The following KCNB2 variants were observed in gnomAD, a reference collection of about 807,000 sequenced individuals.
The protein encoded by KCNB2 is potassium voltage-gated channel subfamily B member 2.
In KCNB2, 15 loss-of-function variants were observed where a neutral mutation model predicts 61.5. The ratio of observed to expected loss-of-function variants is 0.24; its 90% CI spans 0.16 to 0.38. The LOEUF is 0.38. Ranked by LOEUF, KCNB2 falls within the 10% of genes least tolerant of loss-of-function variation. The pLI is 1.00. For synonymous variants in KCNB2, 457 were observed against 446.0 expected (o/e 1.02, Z -0.31); for missense variants, 828 against 1,125.2 (o/e 0.74, Z 3.78).
At chr8:72,885,669 C>G (rs941803454) in intron 2 of KCNB2, among the ~76,000 whole-genome samples, 1 of 152,046 alleles carries the variant, frequency 6.6e-6, no homozygotes. Context: ...TATATTATTT[C>G]TATTACTGTG....
At chr8:72,744,015 G>C (rs566972505) in intron 2 of KCNB2, among the ~76,000 whole-genome samples, 1 of 151,798 alleles carries the variant, frequency 6.6e-6, no homozygotes, top group African/African-American at 2.4e-5. Context: ...TTTATTGGGC[G>C]GGGGGCTTTA....
At chr8:72,916,401 A>C (rs1275990493) in intron 2 of KCNB2, among the ~76,000 whole-genome samples, 2 of 152,052 alleles carry the variant, frequency 1.3e-5, no homozygotes, top group Non-Finnish European at 2.9e-5. Flanking sequence ...CCACCCCCTC[A>C]CGGGACGGGG....
chr8:72,561,760 T>A, intron 1 of KCNB2, among the ~76,000 whole-genome samples: 1 of 25,918 alleles, frequency 3.9e-5, no homozygotes, highest in East Asian at 1.4e-3. Context: ...TATATATATA[T>A]GGATATATAT....
chr8:72,733,865 AG>A (rs1372468647), intron 2 of KCNB2, among the ~76,000 whole-genome samples: 2 of 152,018 alleles, frequency 1.3e-5, no homozygotes, highest in Non-Finnish European at 2.9e-5. Context: ...GGGTGGTTGG[AG>A]GGGGAAGCCT....
At chr8:72,577,601 G>A (rs143435782) in intron 2 of KCNB2, among the ~76,000 whole-genome samples, 2 of 152,274 alleles carry the variant, frequency 1.3e-5, no homozygotes, top group East Asian at 3.9e-4. Flanking sequence ...CCAAGATTTT[G>A]TTTCAGGATG....
rs369680437 is a variant in KCNB2, at chr8:72,557,486, A to T, written c.-93-10156A>T. On this transcript the variant is annotated intron_variant, in intron 1 of 2. Transcript: ENST00000523207. ...AGACATGAAATATCTTTCCTAGGAC[A>T]TGAAATATCTTTCCTAGGAGTGAGT... Among the ~76,000 whole-genome samples the T allele has an allele frequency of 1.1e-3, 161 of 152,328 alleles. 1 individual carries two copies. The highest frequency in any genetic ancestry group is 3.8e-3 in the African/African-American group (157 of 41,572).
At chr8:72,582,255 T>G (rs1221577804) in intron 2 of KCNB2, among the ~76,000 whole-genome samples, 1 of 152,196 alleles carries the variant, frequency 6.6e-6, no homozygotes, top group Non-Finnish European at 1.5e-5. Context: ...GTGCCCTACT[T>G]GCACTGCAGC....
intron 2 of KCNB2, among the ~76,000 whole-genome samples, chr8:72,703,780 CA>C (rs536809762): frequency 1.7e-3 from 255 of 152,210 alleles, no homozygotes; most frequent in African/African-American, 5.9e-3. Context: ...AGCTCTGGGA[CA>C]AGAGATGTGA....
chr8:72,611,852 T>G (rs995727165), intron 2 of KCNB2, among the ~76,000 whole-genome samples: 1 of 152,174 alleles, frequency 6.6e-6, no homozygotes, highest in Non-Finnish European at 1.5e-5. Context: ...CCATTTTTTT[T>G]TTCTGGATCC....
At chr8:72,777,880 C>A (rs1047370513) in intron 2 of KCNB2, among the ~76,000 whole-genome samples, 1 of 152,182 alleles carries the variant, frequency 6.6e-6, no homozygotes, top group African/African-American at 2.4e-5. Flanking sequence ...ATAGAGCATG[C>A]AATTTGTTAC....
intron 2 of KCNB2, among the ~76,000 whole-genome samples, chr8:72,929,614 G>GTTGA (rs1222569321): frequency 6.6e-6 from 1 of 152,100 alleles, no homozygotes; most frequent in African/African-American, 2.4e-5. Flanking sequence ...CCTGGGTTTG[G>GTTGA]TTGACAGACA....
At chr8:72,788,200 G>A (rs1808874192) in intron 2 of KCNB2, among the ~76,000 whole-genome samples, 3 of 152,000 alleles carry the variant, frequency 2.0e-5, no homozygotes, top group Admixed American at 2.0e-4. Context: ...GGTCTCTTTG[G>A]CCTGCATAAC....
At chr8:72,820,704 A>G (rs115066939) in intron 2 of KCNB2, among the ~76,000 whole-genome samples, 2,241 of 152,124 alleles carry the variant, frequency 0.015, 47 homozygotes, top group African/African-American at 0.05. Flanking sequence ...ATTTAATATT[A>G]CTTTCTTTGC....
At chr8:72,589,435 C>T (rs187114967) in intron 2 of KCNB2, among the ~76,000 whole-genome samples, 1 of 152,124 alleles carries the variant, frequency 6.6e-6, no homozygotes, top group South Asian at 2.1e-4. Context: ...TGAGTTAGAA[C>T]AGTGCCTCTC....
intron 1 of KCNB2, among the ~76,000 whole-genome samples, chr8:72,541,438 C>T (rs1806186094): frequency 6.6e-6 from 1 of 152,004 alleles, no homozygotes; most frequent in Non-Finnish European, 1.5e-5. Flanking sequence ...TGTCTAAAGT[C>T]ATATAGGAAA....
At chr8:72,747,201 T>G (rs1563578377) in intron 2 of KCNB2, among the ~76,000 whole-genome samples, 1 of 152,086 alleles carries the variant, frequency 6.6e-6, no homozygotes, top group Admixed American at 6.5e-5. Flanking sequence ...AAGCCACTGT[T>G]GTGGTTTCTG....
chr8:72,894,273 G>A lies in KCNB2; in HGVS notation c.580-41662G>A, dbSNP rs79929365. Among the ~76,000 whole-genome samples the A allele has an allele frequency of 5.1e-4, 78 of 152,256 alleles. 2 individuals carry two copies. The East Asian group carries it at 0.015, about 29-fold the overall frequency. On this transcript the variant is annotated intron_variant, in intron 2 of 2. Coordinates refer to ENST00000523207, the MANE Select transcript of KCNB2 (RefSeq NM_004770.3). Reference sequence around the variant, plus strand: ...AAGGCCCTAAGGGTGGAGCTCAGCAGGAGGGCTGTGTAGCTGGTGATCACT... The same window carrying A: ...AAGGCCCTAAGGGTGGAGCTCAGCAAGAGGGCTGTGTAGCTGGTGATCACT...
chr8:72,578,032 A>G (rs1806825706), intron 2 of KCNB2, among the ~76,000 whole-genome samples: 1 of 152,226 alleles, frequency 6.6e-6, no homozygotes, highest in African/African-American at 2.4e-5. Flanking sequence ...ATCTGGCAAC[A>G]TTTTGTATAG....
chr8:72,887,627 G>T (rs1205539185), intron 2 of KCNB2, among the ~76,000 whole-genome samples: 2 of 152,182 alleles, frequency 1.3e-5, no homozygotes, highest in African/African-American at 2.4e-5. Context: ...TCAGGAGAAG[G>T]CTTCCTTCCA....
Sources: gnomAD v4.1 joint callset for allele counts (sites outside exome capture counted in the v4.1 genomes callset) on GRCh38, gnomAD v4.1.1 for gene constraint, MANE v1.5 for transcripts, NCBI Gene and HGNC (gene_info 2026-07-23, HGNC 2026-07-21) for gene names.